PEAK1: variants seen among roughly 807,000 people sequenced by gnomAD.
PEAK1 encodes the protein inactive tyrosine-protein kinase PEAK1.
Under a neutral mutation model 124.7 loss-of-function variants are expected in PEAK1, and 54 were observed. That is an observed-to-expected ratio of 0.43 (90% CI 0.35 to 0.54). The LOEUF (loss-of-function observed/expected upper bound fraction) is 0.54. Ranked by LOEUF, PEAK1 falls within the 20% of genes least tolerant of loss-of-function variation. PEAK1 has a pLI of 0.01. For missense variants in PEAK1, 2,046 were observed against 2,134.5 expected (o/e 0.96, Z 0.82); for synonymous variants, 719 against 760.0 (o/e 0.95, Z 0.89).
chr15:77,336,133 C>G (rs2066183334), intron 2 of PEAK1: 1 of 985,302 alleles, frequency 1.0e-6, no homozygotes, highest in African/African-American at 1.7e-5. Flanking sequence ...GCAAAGGGGT[C>G]TCTCCAAAAG....
intron 2 of PEAK1, among the ~76,000 whole-genome samples, chr15:77,354,876 A>T (rs1169409414): frequency 2.0e-5 from 3 of 152,160 alleles, no homozygotes; most frequent in South Asian, 2.1e-4. Flanking sequence ...TGTCTCTACT[A>T]AAAATACAAA....
rs534780351 is a variant in PEAK1, at chr15:77,238,149, C to T, written c.-115+14218G>A. Among the ~76,000 whole-genome samples the T allele has an allele frequency of 2.6e-5, 4 of 152,170 alleles. No homozygotes were observed. In the East Asian group the frequency reaches 7.7e-4, roughly 29 times the overall value. On this transcript the variant is annotated intron_variant, in intron 6 of 9. Coordinates refer to ENST00000682557, the MANE Select transcript of PEAK1 (RefSeq NM_001385026.1). ...TGTTTCTTTTCGTCTAGTAATTATG[C>T]TTATCATGAGTACTGCATGTCTAAA...
chr15:77,417,271 C>A, intron 1 of PEAK1: 1 of 845,432 alleles, frequency 1.2e-6, no homozygotes, highest in Non-Finnish European at 1.4e-6. Context: ...TACCTACCAC[C>A]ATGCCTGGCA....
At chr15:77,162,149 GAAAA>G (rs1186895336) in intron 7 of PEAK1, among the ~76,000 whole-genome samples, 1 of 151,704 alleles carries the variant, frequency 6.6e-6, no homozygotes, top group Non-Finnish European at 1.5e-5. Flanking sequence ...CAGGAAGAAA[GAAAA>G]AAAGGAAAAT....
chr15:77,226,074 TATA>T (rs2059656092), intron 6 of PEAK1, among the ~76,000 whole-genome samples: 3 of 137,330 alleles, frequency 2.2e-5, no homozygotes, highest in Admixed American at 7.3e-5. Flanking sequence ...TATATATATA[TATA>T]TATATATATA....
intron 6 of PEAK1, among the ~76,000 whole-genome samples, chr15:77,205,276 A>T (rs201589770): frequency 0.25 from 33,477 of 134,084 alleles, 3,879 homozygotes; most frequent in Middle Eastern, 0.28. Context: ...GCCTTTTTTT[A>T]AAAAAAAAAA....
intron 6 of PEAK1, among the ~76,000 whole-genome samples, chr15:77,216,591 C>A (rs190938195): frequency 1.7e-4 from 26 of 152,152 alleles, no homozygotes; most frequent in Non-Finnish European, 3.5e-4. Flanking sequence ...TTTTAAGAAG[C>A]GACAACACGA....
chr15:77,238,901 C>A (rs2060239309), intron 6 of PEAK1, among the ~76,000 whole-genome samples: 1 of 152,212 alleles, frequency 6.6e-6, no homozygotes, highest in Non-Finnish European at 1.5e-5. Context: ...AATAGCCATT[C>A]ATACCTTTTG....
intron 6 of PEAK1, among the ~76,000 whole-genome samples, chr15:77,227,437 T>C (rs1596726680): frequency 6.6e-6 from 1 of 152,186 alleles, no homozygotes; most frequent in African/African-American, 2.4e-5. Context: ...ACAGGAAAAG[T>C]AGAAGTAAGA....
At chr15:77,331,951 T>C (rs2065912994) in intron 2 of PEAK1, among the ~76,000 whole-genome samples, 2 of 151,698 alleles carry the variant, frequency 1.3e-5, no homozygotes, top group Admixed American at 1.3e-4. Flanking sequence ...TAAACTGCTC[T>C]AGAGGCTGGG....
intron 7 of PEAK1, among the ~76,000 whole-genome samples, chr15:77,174,281 T>C (rs2056705007): frequency 1.3e-5 from 2 of 152,228 alleles, no homozygotes; most frequent in Admixed American, 1.3e-4. Context: ...CAGTATTTTT[T>C]CGTTTTTCAT....
intron 2 of PEAK1, among the ~76,000 whole-genome samples, chr15:77,288,529 A>G (rs779197344): frequency 6.6e-6 from 1 of 152,256 alleles, no homozygotes; most frequent in Non-Finnish European, 1.5e-5. Context: ...TACAATTTAT[A>G]TACATAAAAC....
intron 5 of PEAK1, among the ~76,000 whole-genome samples, chr15:77,267,066 C>G (rs547500135): frequency 1.3e-5 from 2 of 152,132 alleles, no homozygotes; most frequent in African/African-American, 4.8e-5. Flanking sequence ...AGGACTCTGG[C>G]TGCCGGCATT....
intron 6 of PEAK1, among the ~76,000 whole-genome samples, chr15:77,216,571 G>C (rs1183195304): frequency 2.0e-5 from 3 of 152,168 alleles, no homozygotes; most frequent in Non-Finnish European, 2.9e-5. Context: ...GTTTACAAAT[G>C]GATAACTTCT....
At position 77,204,215 on chromosome 15, in the gene PEAK1, T is replaced by C. The variant is rs2058515563; in HGVS notation, c.-114-22175A>G. ...CAGTAAGGTACCACTACACACCTAT[T>C]AGAATGTATAAAATCTACAATAGTG... On this transcript the variant is annotated intron_variant, in intron 6 of 9. Transcript: ENST00000682557. Among the ~76,000 whole-genome samples the C allele has an allele frequency of 2.0e-5, 3 of 152,116 alleles. 1 individual carries two copies. In the South Asian group the frequency reaches 6.2e-4, roughly 32 times the overall value.
chr15:77,279,100 T>TGTGC (rs201119946), intron 5 of PEAK1, among the ~76,000 whole-genome samples: 40 of 137,796 alleles, frequency 2.9e-4, no homozygotes, highest in African/African-American at 1.1e-3. Context: ...GGTGCTCGTG[T>TGTGC]GTGCGTGTGT....
chr15:77,271,108 A>G (rs1310536613), intron 5 of PEAK1, among the ~76,000 whole-genome samples: 1 of 152,200 alleles, frequency 6.6e-6, no homozygotes, highest in Non-Finnish European at 1.5e-5. Flanking sequence ...ACCCCATCAA[A>G]AAGTGGGCGA....
intron 2 of PEAK1, chr15:77,346,013 T>C: frequency 2.0e-6 from 2 of 985,372 alleles, no homozygotes; most frequent in Non-Finnish European, 2.4e-6. Context: ...GGAAATGAAA[T>C]GGAAAAGAAA....
chr15:77,155,167 G>A (rs2055011656), intron 8 of PEAK1: 1 of 152,154 alleles, frequency 6.6e-6, no homozygotes, highest in Non-Finnish European at 1.5e-5. Flanking sequence ...ATATTTCTTG[G>A]AGGCTTTGTT....
Sources: gnomAD v4.1 joint callset for allele counts (sites outside exome capture counted in the v4.1 genomes callset) on GRCh38, gnomAD v4.1.1 for gene constraint, MANE v1.5 for transcripts, NCBI Gene and HGNC (gene_info 2026-07-23, HGNC 2026-07-21) for gene names.